SPACA7: variants seen among roughly 807,000 people sequenced by gnomAD.
SPACA7 encodes the protein sperm acrosome-associated protein 7.
Under a neutral mutation model 26.3 loss-of-function variants are expected in SPACA7, and 19 were observed. The observed-to-expected ratio is 0.72, with a 90% CI of 0.50 to 1.06. The LOEUF (loss-of-function observed/expected upper bound fraction) is 1.06. Ranked by LOEUF, SPACA7 falls within the 50% of genes least tolerant of loss-of-function variation. SPACA7 has a pLI of 0.00. For synonymous variants in SPACA7, 84 were observed against 84.5 expected (o/e 0.99, Z 0.04); for missense variants, 211 against 229.9 (o/e 0.92, Z 0.53).
At chr13:112,383,125 GAAAGAAAGAAAGAAAGAAAGAAAGAA>G (rs1566453072) in intron 1 of SPACA7, among the ~76,000 whole-genome samples, 1 of 4,256 alleles carries the variant, frequency 2.3e-4, no homozygotes, top group Admixed American at 2.5e-3. Flanking sequence ...GAAAAGAAAA[GAAAGAAAGAAAGAAAGAAAGAAAGAA>G]AGAAAGAAAG....
intron 5 of SPACA7, among the ~76,000 whole-genome samples, chr13:112,403,273 T>C (rs903986897): frequency 2.6e-5 from 4 of 152,170 alleles, no homozygotes; most frequent in African/African-American, 4.8e-5. Flanking sequence ...TAGAGATCTT[T>C]AAATCATCTC....
intron 6 of SPACA7, among the ~76,000 whole-genome samples, chr13:112,434,175 C>T (rs970273849): frequency 8.5e-5 from 13 of 152,304 alleles, no homozygotes; most frequent in African/African-American, 2.6e-4. Flanking sequence ...CACAGCCGGC[C>T]GCCATGAGGG....
At chr13:112,397,083 C>T (rs555158448) in intron 2 of SPACA7, among the ~76,000 whole-genome samples, 1 of 152,342 alleles carries the variant, frequency 6.6e-6, no homozygotes, top group Non-Finnish European at 1.5e-5. Flanking sequence ...AGAGGGACAG[C>T]GCGGCTGCTG....
intron 5 of SPACA7, among the ~76,000 whole-genome samples, chr13:112,402,709 C>A (rs536064970): frequency 6.6e-6 from 1 of 152,158 alleles, no homozygotes; most frequent in South Asian, 2.1e-4. Flanking sequence ...ATCCATCAAC[C>A]ATTTTATGTT....
Position 112,398,116 on chromosome 13 carries a change from A to G in SPACA7, c.219A>G (p.Ala73=). The stretch of plus-strand genomic sequence containing the variant: ...CACCGAGCGAAATGCCAAGTACAGC[A>G]TCAACATTATCAACACCGTTACGTA... ...KTTPSEMPST[A]STLSTPLHAG... The change falls in exon 3 of 7, where the codon GCA becomes GCG. Residue 73 remains alanine, a synonymous_variant. Transcript: ENST00000283550. 4 of 1,613,648 alleles carry G rather than the reference A, an allele frequency of 2.5e-6. No individual in the cohort carries two copies. The highest frequency in any genetic ancestry group is 3.4e-6 in the Non-Finnish European group (4 of 1,179,562).
chr13:112,412,822 T>A (rs12428850), intron 5 of SPACA7, among the ~76,000 whole-genome samples: 17,888 of 152,184 alleles, frequency 0.12, 1,365 homozygotes, highest in East Asian at 0.31. Flanking sequence ...TATGTGTTGG[T>A]TTTCAGTGTA....
chr13:112,417,005 A>ATACTT (rs1566482437), intron 5 of SPACA7, among the ~76,000 whole-genome samples: 2 of 151,760 alleles, frequency 1.3e-5, no homozygotes, highest in African/African-American at 4.8e-5. Context: ...AAAATCCTTG[A>ATACTT]TTTATACTTT....
chr13:112,411,654 AT>A (rs551241102), intron 5 of SPACA7, among the ~76,000 whole-genome samples: 2 of 151,642 alleles, frequency 1.3e-5, no homozygotes, highest in South Asian at 2.1e-4. Context: ...CCATGAGATC[AT>A]TTTTTTTAGC....
chr13:112,420,787 T>C (rs1007483973), intron 5 of SPACA7, among the ~76,000 whole-genome samples: 5 of 151,568 alleles, frequency 3.3e-5, no homozygotes, highest in Admixed American at 3.3e-4. Context: ...CATATTTAAG[T>C]TGAAATTTTA....
intron 1 of SPACA7, chr13:112,382,642 T>C (rs1884155166): frequency 8.4e-7 from 1 of 1,197,316 alleles, no homozygotes; most frequent in Non-Finnish European, 1.1e-6. Context: ...AACAGCATAC[T>C]ATAGGTAAAT....
chr13:112,401,108 A>T lies in SPACA7; in HGVS notation c.389A>T (p.Glu130Val), dbSNP rs754257828. The T allele has an allele frequency of 1.1e-5, 18 of 1,614,194 alleles. No individual in the cohort carries two copies. Among genetic ancestry groups the T allele is most frequent in the Non-Finnish European group, 1.4e-5 (17 of 1,180,032 alleles). ...GCAAATCTCCATGGCGATCCTTCTGAGAATTATCGTGGGCCACAGGTGTCT... is the reference window on the plus strand; with the variant it reads ...GCAAATCTCCATGGCGATCCTTCTGTGAATTATCGTGGGCCACAGGTGTCT... ...ANANLHGDPSENYRGPQVSPG... is the reference protein window; with the variant it reads ...ANANLHGDPSVNYRGPQVSPG... Residue 130 changes from glutamate (E) to valine (V), a missense_variant, in exon 5 of 7, where the codon GAG becomes GTG. Physicochemically the swap from Glu to Val is moderately radical, Grantham distance 121. Coordinates refer to ENST00000283550, the MANE Select transcript of SPACA7 (RefSeq NM_145248.5).
chr13:112,381,872 A>T (rs1313662069), intron 1 of SPACA7, among the ~76,000 whole-genome samples: 2 of 152,202 alleles, frequency 1.3e-5, no homozygotes, highest in African/African-American at 4.8e-5. Context: ...CATCAAGGGC[A>T]GGATCTGCAA....
chr13:112,409,852 C>T (rs948511951), intron 5 of SPACA7, among the ~76,000 whole-genome samples: 1 of 152,104 alleles, frequency 6.6e-6, no homozygotes, highest in Non-Finnish European at 1.5e-5. Context: ...TTGACCCAGC[C>T]ATCCCATTAG....
At chr13:112,394,056 G>T (rs1885074084) in intron 2 of SPACA7, among the ~76,000 whole-genome samples, 1 of 151,880 alleles carries the variant, frequency 6.6e-6, no homozygotes, top group South Asian at 2.1e-4. Flanking sequence ...TTTCAACATG[G>T]GATCAGTGTC....
chr13:112,415,152 TCCCTCTGTTTC>T (rs1202962298), intron 5 of SPACA7, among the ~76,000 whole-genome samples: 1 of 152,094 alleles, frequency 6.6e-6, no homozygotes, highest in Non-Finnish European at 1.5e-5. Flanking sequence ...CTCACTCACT[TCCCTCTGTTTC>T]CCCATAGCAG....
chr13:112,405,341 T>A (rs925842487), intron 5 of SPACA7, among the ~76,000 whole-genome samples: 3 of 152,186 alleles, frequency 2.0e-5, no homozygotes, highest in African/African-American at 7.2e-5. Context: ...CAATAAGTGT[T>A]TAGTGCTGTG....
chr13:112,425,642 C>CAG (rs147491873), intron 5 of SPACA7, among the ~76,000 whole-genome samples: 38,589 of 151,614 alleles, frequency 0.25, 4,978 homozygotes, highest in South Asian at 0.43. Flanking sequence ...CAGAGAGAGA[C>CAG]AGAGAGAGAG....
chr13:112,397,018 G>A (rs1158610868), intron 2 of SPACA7, among the ~76,000 whole-genome samples: 10 of 152,250 alleles, frequency 6.6e-5, no homozygotes, highest in African/African-American at 1.2e-4. Flanking sequence ...CCACCCGGCT[G>A]CAGGGGGCCT....
intron 5 of SPACA7, among the ~76,000 whole-genome samples, chr13:112,419,996 G>C (rs1423093921): frequency 6.6e-6 from 1 of 152,194 alleles, no homozygotes; most frequent in Admixed American, 6.5e-5. Flanking sequence ...GCACACTTCT[G>C]GAGGACTTTG....
Sources: allele counts gnomAD v4.1 joint callset (sites outside exome capture counted in the v4.1 genomes callset), GRCh38; gene constraint gnomAD v4.1.1; transcripts MANE v1.5; gene names NCBI Gene and HGNC (gene_info 2026-07-23, HGNC 2026-07-21).